KAT6B: variants seen among roughly 807,000 people sequenced by gnomAD.
KAT6B encodes the protein lysine acetyltransferase 6B.
A neutral mutation model predicts 187.5 loss-of-function variants in KAT6B; 10 were observed. The ratio of observed to expected loss-of-function variants is 0.05; its 90% CI spans 0.03 to 0.09. KAT6B has a LOEUF of 0.09. KAT6B is among the 10% of genes least tolerant of loss of function. The pLI, the probability that KAT6B is intolerant of heterozygous loss-of-function variation, is 1.00. For synonymous variants in KAT6B, 861 were observed against 926.8 expected, an observed-to-expected ratio of 0.93 and a Z score of 1.29; for missense variants, 1,952 against 2,558.9, an observed-to-expected ratio of 0.76 and a Z score of 5.12.
At chr10:75,021,716 T>C (rs552757891) in intron 15 of KAT6B, among the ~76,000 whole-genome samples, 165 bp from the exon 16 acceptor site, 1 of 152,360 alleles carries the variant, frequency 6.6e-6, no homozygotes, top group African/African-American at 2.4e-5. Flanking sequence ...TGATTTGTTA[T>C]CCTAACTGAT....
At chr10:74,998,895 T>G (rs549116346) in intron 13 of KAT6B, among the ~76,000 whole-genome samples, 1 of 152,312 alleles carries the variant, frequency 6.6e-6, no homozygotes, top group Admixed American at 6.5e-5. Context: ...ACCACTGCAC[T>G]CCAACCTGGG....
chr10:74,888,407 A>G (rs1160750360), intron 3 of KAT6B, among the ~76,000 whole-genome samples: 2 of 152,234 alleles, frequency 1.3e-5, no homozygotes, highest in Non-Finnish European at 2.9e-5. Flanking sequence ...ATTAATAAGA[A>G]AACACTAGAA....
chr10:74,967,902 T>C (rs1371493548), intron 4 of KAT6B, among the ~76,000 whole-genome samples: 1 of 152,192 alleles, frequency 6.6e-6, no homozygotes, highest in Non-Finnish European at 1.5e-5. Context: ...AAAAGCAGAT[T>C]TGAATGTAGA....
chr10:74,929,358 C>A (rs1042401634), intron 3 of KAT6B, among the ~76,000 whole-genome samples: 2 of 152,060 alleles, frequency 1.3e-5, no homozygotes, highest in African/African-American at 4.8e-5. Flanking sequence ...CCGTTTCTAC[C>A]CTGTATTACA....
At chr10:74,968,702 C>T (rs536956433) in intron 4 of KAT6B, among the ~76,000 whole-genome samples, 1 of 152,044 alleles carries the variant, frequency 6.6e-6, no homozygotes, top group East Asian at 1.9e-4. Context: ...ATTTAAAGAC[C>T]AGGTTTAAAA....
At chr10:75,006,951 C>A (rs1246490057) in intron 13 of KAT6B, among the ~76,000 whole-genome samples, 1 of 151,666 alleles carries the variant, frequency 6.6e-6, no homozygotes, top group Non-Finnish European at 1.5e-5. Context: ...ACCTGTAGTC[C>A]CAGCTACTTG....
intron 3 of KAT6B, among the ~76,000 whole-genome samples, chr10:74,877,676 A>G (rs1232809542): frequency 2.6e-5 from 4 of 152,246 alleles, no homozygotes; most frequent in Non-Finnish European, 5.9e-5. Flanking sequence ...AGAATGAATA[A>G]TTTAGTTCTA....
chr10:74,942,828 A>G (rs1849790580), intron 3 of KAT6B, among the ~76,000 whole-genome samples: 1 of 151,764 alleles, frequency 6.6e-6, no homozygotes, highest in Non-Finnish European at 1.5e-5. Flanking sequence ...GTGAAAGACT[A>G]AATACTTTCT....
intron 4 of KAT6B, among the ~76,000 whole-genome samples, chr10:74,965,626 T>C (rs997471871): frequency 6.6e-6 from 1 of 152,182 alleles, no homozygotes; most frequent in African/African-American, 2.4e-5. Context: ...ATTTTTAATC[T>C]TATAGTTGTA....
chr10:74,842,123 GT>G (rs1841788290), intron 2 of KAT6B, among the ~76,000 whole-genome samples: 2 of 152,152 alleles, frequency 1.3e-5, no homozygotes, highest in Admixed American at 1.3e-4. Context: ...TAGATGGGAA[GT>G]TTTTTTACGT....
intron 13 of KAT6B, among the ~76,000 whole-genome samples, chr10:74,998,371 A>T (rs985010351): frequency 1.1e-4 from 16 of 152,186 alleles, no homozygotes; most frequent in African/African-American, 3.4e-4. Flanking sequence ...TGTTTTAAAT[A>T]GTGGACTTCT....
At chr10:74,843,841 A>G (rs1564516637) in intron 3 of KAT6B, among the ~76,000 whole-genome samples, 3 of 152,256 alleles carry the variant, frequency 2.0e-5, no homozygotes, top group African/African-American at 4.8e-5. Context: ...CTTTATTACT[A>G]TTTTCAAAGA....
At chr10:74,845,758 T>C (rs1049257734) in intron 3 of KAT6B, among the ~76,000 whole-genome samples, 12 of 150,770 alleles carry the variant, frequency 8.0e-5, no homozygotes, top group Non-Finnish European at 1.6e-4. Context: ...GGAAAAGTTA[T>C]GCTCCTCTTG....
chr10:74,981,442 C>T (rs11001235), intron 10 of KAT6B, among the ~76,000 whole-genome samples: 11,922 of 152,000 alleles, frequency 0.078, 626 homozygotes, highest in South Asian at 0.27. Flanking sequence ...GGTGCAATCT[C>T]GATTCACTGC....
In KAT6B at chr10:74,843,134, A is replaced by G. The variant is rs1195768863; in HGVS notation, c.277A>G (p.Lys93Glu). ...VKPGTFPKSA[K>E]GSRGSCNDLR... ...ACCAGGCACTTTTCCTAAGTCAGCCAAGGGGTCTAGAGGATCATGTAATGA... is the reference window on the plus strand; with the variant it reads ...ACCAGGCACTTTTCCTAAGTCAGCCGAGGGGTCTAGAGGATCATGTAATGA... The change falls in exon 3 of 18, where the codon AAG becomes GAG. Residue 93 changes from lysine (K) to glutamate (E), a missense_variant. Physicochemically the swap from Lys to Glu is moderately conservative, Grantham distance 56. Coordinates refer to ENST00000287239, the MANE Select transcript of KAT6B (RefSeq NM_012330.4). 1 of 1,614,228 alleles carries G rather than the reference A, an allele frequency of 6.2e-7. No individual in the cohort carries two copies. The highest frequency in any genetic ancestry group is 1.1e-5 in the South Asian group (1 of 91,088).
Position 75,029,201 on chromosome 10 carries a change from T to C in KAT6B, c.4377T>C (p.Phe1459=). 6.2e-7 allele frequency: 1 copy of C among 1,614,078 alleles called. No homozygotes were observed. Among genetic ancestry groups the C allele is most frequent in the African/African-American group, 1.3e-5 (1 of 74,982 alleles). ...FKEVLENQET[F]LDLNVQPGHS... Reference sequence around the variant, plus strand: ...AAGTACTGGAAAACCAGGAGACTTTTTTAGACCTTAATGTGCAGCCTGGTC... The same window carrying C: ...AAGTACTGGAAAACCAGGAGACTTTCTTAGACCTTAATGTGCAGCCTGGTC... The change falls in exon 18 of 18, where the codon TTT becomes TTC. Residue 1459 remains phenylalanine, a synonymous_variant. Coordinates refer to ENST00000287239, the MANE Select transcript of KAT6B (RefSeq NM_012330.4). The surrounding 1 kb of genome is among the most constrained non-coding windows in gnomAD (Gnocchi z 6.2).
chr10:74,986,821 GT>G (rs1001703566), intron 12 of KAT6B, among the ~76,000 whole-genome samples: 19 of 152,312 alleles, frequency 1.2e-4, no homozygotes, highest in African/African-American at 4.3e-4. Flanking sequence ...AGAAAATGGT[GT>G]TTCTTTCATT....
chr10:74,999,405 C>G (rs1843674472), intron 13 of KAT6B, among the ~76,000 whole-genome samples: 1 of 152,072 alleles, frequency 6.6e-6, no homozygotes, highest in Admixed American at 6.5e-5. Context: ...TAGCTGAAAC[C>G]ATGGATGTGG....
chr10:75,029,518 C>T lies in KAT6B; in HGVS notation c.4694C>T (p.Thr1565Ile), dbSNP rs1212688824. 1.2e-5 allele frequency: 20 copies of T among 1,614,136 alleles called. No individual in the cohort carries two copies. The highest frequency in any genetic ancestry group is 1.6e-5 in the Non-Finnish European group (19 of 1,180,034). The change falls in exon 18 of 18, where the codon ACT (threonine) becomes ATT (isoleucine). Residue 1565 changes from threonine (T) to isoleucine (I), a missense_variant. This residue lies in a region of KAT6B where 758 missense variants were observed against 891.4 expected (regional missense o/e 0.85). Coordinates refer to ENST00000287239, the MANE Select transcript of KAT6B (RefSeq NM_012330.4). The surrounding 1 kb of genome is among the most constrained non-coding windows in gnomAD (Gnocchi z 6.2). ...GACACCTTTCAGGATTGTGCCGAGA[C>T]TCAAGAGGCCTGTAGAAGCCTACAG... ...QDDTFQDCAE[T>I]QEACRSLQNY... is the part of the protein sequence containing the mutation.
Sources: allele counts gnomAD v4.1 joint callset (sites outside exome capture counted in the v4.1 genomes callset), GRCh38; gene constraint gnomAD v4.1.1; regional missense constraint gnomAD v4.1.1; non-coding constraint Gnocchi (gnomAD v3.1); transcripts MANE v1.5; gene names NCBI Gene and HGNC (gene_info 2026-07-23, HGNC 2026-07-21).